The following CEP112 variants were observed in gnomAD, a reference collection of about 807,000 sequenced individuals.
The protein encoded by CEP112 is centrosomal protein 112.
CEP112 carries 127 observed loss-of-function variants against 153.0 expected under a neutral mutation model. The ratio of observed to expected loss-of-function variants is 0.83; its 90% CI spans 0.72 to 0.96. The LOEUF (loss-of-function observed/expected upper bound fraction) is 0.96. CEP112 is among the 40% of genes least tolerant of loss of function. CEP112 has a pLI of 0.00. For missense variants in CEP112, 1,089 were observed against 1,101.2 expected, an observed-to-expected ratio of 0.99 and a Z score of 0.16; for synonymous variants, 358 against 374.4, an observed-to-expected ratio of 0.96 and a Z score of 0.51.
intron 20 of CEP112, among the ~76,000 whole-genome samples, chr17:65,865,091 G>A (rs1051941928): frequency 6.6e-6 from 1 of 152,016 alleles, no homozygotes; most frequent in Non-Finnish European, 1.5e-5. Flanking sequence ...GCCCAGGCTG[G>A]AGTGCAGTGT....
intron 17 of CEP112, among the ~76,000 whole-genome samples, chr17:65,971,765 A>C (rs2062846193): frequency 5.9e-5 from 9 of 152,234 alleles, no homozygotes; most frequent in Admixed American, 5.9e-4. Flanking sequence ...ATCAAAAGAA[A>C]GCTGGAGTCG....
chr17:65,651,088 T>C (rs1045094165), intron 24 of CEP112, among the ~76,000 whole-genome samples: 1 of 152,288 alleles, frequency 6.6e-6, no homozygotes, highest in Non-Finnish European at 1.5e-5. Context: ...CCTCGCCCCC[T>C]TCCCACCCTT....
rs1392434525 is a variant in CEP112 at position 65,640,978 on chromosome 17, A to C, written c.2785T>G (p.Ser929Ala). 4.4e-6 allele frequency: 7 copies of C among 1,593,674 alleles called. No homozygotes were observed. The highest frequency in any genetic ancestry group is 5.2e-6 in the Non-Finnish European group (6 of 1,161,676). Residue 929 changes from serine to alanine, a missense_variant, in exon 25 of 27, where the codon TCC becomes GCC. Physicochemically the swap from Ser to Ala is moderately conservative, Grantham distance 99. Transcript: ENST00000535342. ...CTAGTAATTACCTGTGATTTTAGGG[A>C]GGAAATGGTGTCTTCAAGTTCTTGT... ...LRQELEDTISSLKSQVNFLQK... is the reference protein window; with the variant it reads ...LRQELEDTISALKSQVNFLQK...
Position 65,846,518 on chromosome 17 carries a change from C to T in CEP112, c.2394+5286G>A, listed in dbSNP as rs369811677. Among the ~76,000 whole-genome samples the T allele has an allele frequency of 5.3e-5, 8 of 152,308 alleles. No homozygotes were observed. The South Asian group carries it at 1.7e-3, about 32-fold the overall frequency. On this transcript the variant is annotated intron_variant, in intron 21 of 26. Coordinates refer to ENST00000535342, the MANE Select transcript of CEP112 (RefSeq NM_001199165.4). ...ATAACAGTTTATTCACATGACCAGG[C>T]ACAGAGGCTATCTTGAATTTCTCAG... is the stretch of plus-strand genomic sequence containing the variant.
At chr17:66,187,072 C>A (rs1429658828) in intron 1 of CEP112, among the ~76,000 whole-genome samples, 2 of 152,302 alleles carry the variant, frequency 1.3e-5, no homozygotes, top group East Asian at 3.9e-4. Context: ...CTGATGGCAG[C>A]TGAGAAATAT....
intron 21 of CEP112, among the ~76,000 whole-genome samples, chr17:65,755,634 G>T (rs1011456983): frequency 6.6e-6 from 1 of 151,716 alleles, no homozygotes; most frequent in African/African-American, 2.4e-5. Flanking sequence ...GGTGAGAAGG[G>T]GTCAGATTGG....
In CEP112 at chr17:65,852,050, G is replaced by A. The variant is rs1463447918; in HGVS notation, c.2164-16C>T. 1.3e-6 allele frequency: 2 copies of A among 1,564,034 alleles called. No individual in the cohort carries two copies. Among genetic ancestry groups the A allele is most frequent in the Admixed American group, 3.7e-5 (2 of 54,114 alleles). Reference sequence around the variant, plus strand: ...CGGCAATAACCTTGTTTTTAAAAATGGAAAAATGGGCAGAAGATATCAATA... The same window carrying A: ...CGGCAATAACCTTGTTTTTAAAAATAGAAAAATGGGCAGAAGATATCAATA... On this transcript the variant is annotated splice_polypyrimidine_tract_variant and intron_variant, in intron 20 of 26. Coordinates refer to ENST00000535342, the MANE Select transcript of CEP112 (RefSeq NM_001199165.4).
chr17:66,068,993 A>T (rs1270962464), intron 9 of CEP112, among the ~76,000 whole-genome samples: 1 of 151,988 alleles, frequency 6.6e-6, no homozygotes, highest in East Asian at 1.9e-4. Context: ...AAATTGGAAA[A>T]GGAGAGTTCA....
intron 23 of CEP112, among the ~76,000 whole-genome samples, chr17:65,695,862 C>T (rs190782155): frequency 1.3e-5 from 2 of 152,322 alleles, no homozygotes; most frequent in African/African-American, 4.8e-5. Flanking sequence ...CTTTTCCCAA[C>T]AGGCTGTCTA....
chr17:65,651,663 C>T (rs2045783946), intron 24 of CEP112, among the ~76,000 whole-genome samples: 1 of 149,372 alleles, frequency 6.7e-6, no homozygotes, highest in Non-Finnish European at 1.5e-5. Context: ...CTCTTTCTTT[C>T]TCCTTCCTTC....
At chr17:66,188,388 C>G (rs148984178) in intron 1 of CEP112, among the ~76,000 whole-genome samples, 4,609 of 150,178 alleles carry the variant, frequency 0.031, 128 homozygotes, top group Middle Eastern at 0.055. Flanking sequence ...AACTCCTCAC[C>G]ATGGTCAAAC....
At chr17:65,886,233 G>T (rs929528119) in intron 20 of CEP112, among the ~76,000 whole-genome samples, 1 of 152,160 alleles carries the variant, frequency 6.6e-6, no homozygotes, top group Non-Finnish European at 1.5e-5. Context: ...TAAAAGAATG[G>T]AAATGGGATA....
At chr17:65,970,221 A>ATG in intron 17 of CEP112, among the ~76,000 whole-genome samples, 1 of 43,070 alleles carries the variant, frequency 2.3e-5, no homozygotes, top group African/African-American at 6.7e-5. Flanking sequence ...GCATGCATAT[A>ATG]CCATGCATAT....
chr17:65,664,308 C>T (rs1192896268), intron 24 of CEP112, among the ~76,000 whole-genome samples: 2 of 152,108 alleles, frequency 1.3e-5, no homozygotes, highest in African/African-American at 4.8e-5. Flanking sequence ...GCTGAGCACC[C>T]ACACTTGGCT....
chr17:65,918,233 T>A (rs192236665), intron 19 of CEP112, among the ~76,000 whole-genome samples: 158 of 151,918 alleles, frequency 1.0e-3, no homozygotes, highest in Middle Eastern at 3.4e-3. Flanking sequence ...TTGAAGGTTA[T>A]ACCACCTAGC....
At chr17:65,662,751 G>A (rs4791143) in intron 24 of CEP112, among the ~76,000 whole-genome samples, 53,413 of 152,002 alleles carry the variant, frequency 0.35, 9,582 homozygotes, top group Middle Eastern at 0.51. Flanking sequence ...AAACGTGTGT[G>A]GATATTACGA....
chr17:66,098,115 G>A (rs1012550742), intron 6 of CEP112, among the ~76,000 whole-genome samples: 5 of 152,204 alleles, frequency 3.3e-5, no homozygotes, highest in Admixed American at 3.3e-4. Context: ...GTTCAAACCA[G>A]ATTCAAATAA....
At chr17:66,155,567 G>A (rs2071403774) in intron 4 of CEP112, among the ~76,000 whole-genome samples, 1 of 151,878 alleles carries the variant, frequency 6.6e-6, no homozygotes, top group South Asian at 2.1e-4. Context: ...CCCCTGGAAA[G>A]GGGGCTGAAG....
At chr17:66,170,392 A>T (rs754542579) in intron 4 of CEP112, among the ~76,000 whole-genome samples, 1 of 152,184 alleles carries the variant, frequency 6.6e-6, no homozygotes, top group Non-Finnish European at 1.5e-5. Flanking sequence ...ATGAGATCTA[A>T]GTCTATGGTC....
Sources: allele counts gnomAD v4.1 joint callset (sites outside exome capture counted in the v4.1 genomes callset), GRCh38; gene constraint gnomAD v4.1.1; transcripts MANE v1.5; gene names NCBI Gene and HGNC (gene_info 2026-07-23, HGNC 2026-07-21).